CYFIP2: variants seen among roughly 807,000 people sequenced by gnomAD.
CYFIP2 encodes the protein cytoplasmic FMR1 interacting protein 2, also known as cytoplasmic FMR1-interacting protein 2.
CYFIP2 carries 29 observed loss-of-function variants against 158.7 expected under a neutral mutation model. The ratio of observed to expected loss-of-function variants is 0.18; its 90% confidence interval spans 0.14 to 0.25. The LOEUF (loss-of-function observed/expected upper bound fraction) is 0.25. CYFIP2 is among the 10% of genes least tolerant of loss of function. CYFIP2 has a pLI of 1.00. For missense variants in CYFIP2, 852 were observed against 1,639.5 expected (o/e 0.52, Z 8.29); for synonymous variants, 585 against 617.6 (o/e 0.95, Z 0.78).
chr5:157,285,298 C>T (rs1372387141), intron 1 of CYFIP2, 41 bp from the exon 2 acceptor site: 1 of 1,359,550 alleles, frequency 7.4e-7, no homozygotes, highest in Admixed American at 2.0e-5. Context: ...ATTTTAGAGG[C>T]CCCTGAAATT....
Position 157,323,254 on chromosome 5 carries a change from G to A in CYFIP2, c.1672-667G>A, listed in dbSNP as rs148509067. On this transcript the variant is annotated intron_variant, in intron 15 of 30. Coordinates refer to ENST00000620254, the MANE Select transcript of CYFIP2 (RefSeq NM_001037333.3). The stretch of plus-strand genomic sequence containing the variant: ...CCTGTGTAAGTACCAATGTTAACCC[G>A]CCTTCCACCCTGAACTTCAGCAGGC... Among the ~76,000 whole-genome samples the A allele has an allele frequency of 3.0e-3, 453 of 152,272 alleles. 2 individuals are homozygous for A. Among genetic ancestry groups the A allele is most frequent in the Non-Finnish European group, 4.9e-3 (333 of 68,014 alleles).
chr5:157,288,738 T>C (rs957568206), intron 3 of CYFIP2: 1 of 419,952 alleles, frequency 2.4e-6, no homozygotes, highest in African/African-American at 2.1e-5. Flanking sequence ...CTCAGGGTCC[T>C]GCAGCTGACA....
At chr5:157,390,934 C>T (rs930022111) in intron 30 of CYFIP2, among the ~76,000 whole-genome samples, 2 of 152,200 alleles carry the variant, frequency 1.3e-5, no homozygotes, top group African/African-American at 4.8e-5. Flanking sequence ...CAATCAGACT[C>T]TGCTGATGCC....
chr5:157,319,665 A>T lies in CYFIP2; in HGVS notation c.1357-97A>T, dbSNP rs779806167. On this transcript the variant is annotated intron_variant, in intron 13 of 30. Coordinates refer to ENST00000620254, the MANE Select transcript of CYFIP2 (RefSeq NM_001037333.3). ...TAGCACTGGCCTCATGCCTCTGGACATCTCACTCCCCGCCTCCCCTGGCAG... is the reference window on the plus strand; with the variant it reads ...TAGCACTGGCCTCATGCCTCTGGACTTCTCACTCCCCGCCTCCCCTGGCAG... The T allele has an allele frequency of 3.4e-5, 50 of 1,471,346 alleles. 1 individual carries two copies. The highest frequency in any genetic ancestry group is 4.5e-5 in the Non-Finnish European group (49 of 1,088,446). The allele number at this position is 1,471,346 out of a possible 1,614,324, so 91.1% of individuals were successfully genotyped here.
At chr5:157,364,222 T>G (rs1330325259) in intron 26 of CYFIP2, 1 of 140,128 alleles carries the variant, frequency 7.1e-6, no homozygotes, top group Admixed American at 6.9e-5. Context: ...GGTGGGTCCC[T>G]GAAGCCTCAG....
chr5:157,333,538 G>C, intron 21 of CYFIP2, 92 bp downstream of exon 21: 1 of 1,546,314 alleles, frequency 6.5e-7, no homozygotes, highest in Non-Finnish European at 8.9e-7. Flanking sequence ...TGCTGGGCCA[G>C]TTAAAGAGGG....
Position 157,382,577 on chromosome 5 carries a change from C to G in CYFIP2, c.3040-13C>G, listed in dbSNP as rs781328228. ...GAAAATTGTTTTCTCTTTCTTTACC[C>G]CCATCTCTGCAGTCTCAGGAGGAGG... On this transcript the variant is annotated splice_polypyrimidine_tract_variant and intron_variant, in intron 26 of 30. Coordinates refer to ENST00000620254, the MANE Select transcript of CYFIP2 (RefSeq NM_001037333.3). 8 of 1,613,698 alleles carry G rather than the reference C, an allele frequency of 5.0e-6. No individual in the cohort carries two copies. The Admixed American group carries it at 1.3e-4, about 27-fold the overall frequency.
At chr5:157,385,160 G>A (rs549085241) in intron 28 of CYFIP2, among the ~76,000 whole-genome samples, 14 of 152,248 alleles carry the variant, frequency 9.2e-5, no homozygotes, top group African/African-American at 2.2e-4. Context: ...CAGGCATCCC[G>A]CCTCTCACTC....
At chr5:157,367,202 T>C (rs1232203567) in intron 26 of CYFIP2, among the ~76,000 whole-genome samples, 1 of 152,222 alleles carries the variant, frequency 6.6e-6, no homozygotes, top group Non-Finnish European at 1.5e-5. Context: ...GGTTGGTTTC[T>C]CAACCTCAGC....
chr5:157,355,699 A>G (rs1286250558), intron 23 of CYFIP2, among the ~76,000 whole-genome samples: 1 of 152,246 alleles, frequency 6.6e-6, no homozygotes. Flanking sequence ...TCCATTAGAA[A>G]GCTGCTTGCT....
At chr5:157,366,810 CAG>C (rs1157672776) in intron 26 of CYFIP2, among the ~76,000 whole-genome samples, 1 of 152,148 alleles carries the variant, frequency 6.6e-6, no homozygotes, top group Admixed American at 6.5e-5. Flanking sequence ...CCTGGGAAAT[CAG>C]AAAGTGGTCA....
At chr5:157,384,442 G>A (rs1271129506) in intron 28 of CYFIP2, 1 of 456,648 alleles carries the variant, frequency 2.2e-6, no homozygotes, top group Non-Finnish European at 4.4e-6. Flanking sequence ...CTCGCATTCC[G>A]GCGGTCCTCT....
chr5:157,394,379 A>G lies in CYFIP2; in HGVS notation c.*1379A>G, dbSNP rs1767584172. The G allele has an allele frequency of 6.6e-6, 1 of 152,226 alleles. No individual in the cohort carries two copies. The highest frequency in any genetic ancestry group is 6.5e-5 in the Admixed American group (1 of 15,288). 9.4% of individuals were successfully genotyped at this position (152,226 alleles called of 1,614,324 possible). ...CATTTGATATTTCTCCAGCCCAGGG[A>G]AGTAAGATGGTTAGCAATGGTTGCC... is the stretch of plus-strand genomic sequence containing the variant. On this transcript the variant is annotated 3_prime_UTR_variant, in exon 31 of 31. Coordinates refer to ENST00000620254, the MANE Select transcript of CYFIP2 (RefSeq NM_001037333.3).
rs568207124 is a variant in CYFIP2, at chr5:157,309,808, T to C, written c.966T>C (p.Ser322=). 8 of 1,603,166 alleles carry C rather than the reference T, an allele frequency of 5.0e-6. No individual in the cohort carries two copies. In the East Asian group the frequency reaches 1.8e-4, roughly 36 times the overall value. The change falls in exon 10 of 31, where the codon AGT becomes AGC. Residue 322 remains serine, a synonymous_variant. Coordinates refer to ENST00000620254, the MANE Select transcript of CYFIP2 (RefSeq NM_001037333.3). ...QIELARYIKT[S]AHYEENKSKW... ...AGCTGGCCAGATACATTAAGACCAG[T>C]GCTCACTATGAAGAGAACAAGTCCA...
intron 23 of CYFIP2, among the ~76,000 whole-genome samples, chr5:157,357,783 C>T (rs578121183): frequency 3.3e-5 from 5 of 151,992 alleles, no homozygotes; most frequent in South Asian, 2.1e-4. Flanking sequence ...GAACCGAGAT[C>T]GCACCCCTGC....
Position 157,321,152 on chromosome 5 carries a change from G to A in CYFIP2, c.1671+350G>A, listed in dbSNP as rs1335158141. ...TATGAAGTATAGATTCCAAAGTGGA[G>A]GAGGAGGTTAAAGTGGAATCTATCT... On this transcript the variant is annotated intron_variant, in intron 15 of 30. Coordinates refer to ENST00000620254, the MANE Select transcript of CYFIP2 (RefSeq NM_001037333.3). Among the ~76,000 whole-genome samples the A allele has an allele frequency of 3.3e-5, 5 of 152,208 alleles. No individual in the cohort carries two copies. The South Asian group carries it at 6.2e-4, about 19-fold the overall frequency.
intron 20 of CYFIP2, among the ~76,000 whole-genome samples, chr5:157,332,536 C>G (rs1761544311): frequency 6.6e-6 from 1 of 152,230 alleles, no homozygotes; most frequent in Non-Finnish European, 1.5e-5. Flanking sequence ...GGAAATTTGA[C>G]AATACTACTT....
chr5:157,308,177 T>TC (rs397786363), intron 9 of CYFIP2, among the ~76,000 whole-genome samples: 4 of 150,248 alleles, frequency 2.7e-5, no homozygotes, highest in Non-Finnish European at 5.9e-5. Flanking sequence ...TTTTTTTTTT[T>TC]CCTGAAGTCC....
intron 26 of CYFIP2, 126 bp from the exon 27 acceptor site, chr5:157,382,464 G>C (rs1339825619): frequency 3.3e-6 from 3 of 910,604 alleles, no homozygotes; most frequent in African/African-American, 3.3e-5. Context: ...CAAGGTCACA[G>C]TGAGTAGAAG....
Sources: gnomAD v4.1 joint callset for allele counts (sites outside exome capture counted in the v4.1 genomes callset) on GRCh38, gnomAD v4.1.1 for gene constraint, MANE v1.5 for transcripts, NCBI Gene and HGNC (gene_info 2026-07-23, HGNC 2026-07-21) for gene names.